HEPACAM2: variants seen among roughly 807,000 people sequenced by gnomAD.
HEPACAM2 encodes the protein HEPACAM family member 2.
A neutral mutation model predicts 49.6 loss-of-function variants in HEPACAM2; 49 were observed. The observed-to-expected ratio is 0.99, with a 90% confidence interval of 0.78 to 1.25. The LOEUF (loss-of-function observed/expected upper bound fraction) is 1.25. Among genes scored for constraint, HEPACAM2 ranks in the 50% most tolerant of loss-of-function variants. The probability of loss-of-function intolerance (pLI) is 0.00; values close to 1 mark genes in which losing one functional copy is unlikely to be tolerated. For missense variants in HEPACAM2, 525 were observed against 557.2 expected, an observed-to-expected ratio of 0.94 and a Z score of 0.58; for synonymous variants, 197 against 202.9, an observed-to-expected ratio of 0.97 and a Z score of 0.25.
intron 8 of HEPACAM2, among the ~76,000 whole-genome samples, chr7:93,193,984 C>G (rs1793620614): frequency 6.6e-6 from 1 of 152,104 alleles, no homozygotes; most frequent in South Asian, 2.1e-4. Flanking sequence ...TTTCTCACTT[C>G]TTCCCCAAAG....
upstream of HEPACAM2, chr7:93,226,587 G>A: frequency 1.6e-6 from 1 of 617,670 alleles, no homozygotes; most frequent in South Asian, 2.0e-5. Context: ...GTATACAAAG[G>A]ACACAGGGAG....
chr7:93,197,500 A>T lies in HEPACAM2; in HGVS notation c.1123T>A (p.Tyr375Asn). 6.3e-7 allele frequency: 1 copy of T among 1,594,788 alleles called. No homozygotes were observed. The highest frequency in any genetic ancestry group is 1.1e-5 in the South Asian group (1 of 89,196). The change falls in exon 5 of 10, where the codon TAT becomes AAT. Residue 375 changes from tyrosine (Y) to asparagine (N), a missense_variant. Coordinates refer to ENST00000394468, the MANE Select transcript of HEPACAM2 (RefSeq NM_001039372.4). ...SMCLLFLWKK[Y>N]QPYKVIKQKL... Reference sequence around the variant, plus strand: ...TTTAACCTACCTTTGTAGGGTTGATATTTTTTCCATAGGAAGAGAAGACAC... The same window carrying T: ...TTTAACCTACCTTTGTAGGGTTGATTTTTTTTCCATAGGAAGAGAAGACAC...
intron 1 of HEPACAM2, among the ~76,000 whole-genome samples, chr7:93,221,343 TTCA>T (rs1794445218): frequency 6.6e-6 from 1 of 152,208 alleles, no homozygotes; most frequent in South Asian, 2.1e-4. Flanking sequence ...TTTTTTTGAT[TTCA>T]TTCTACTAGA....
chr7:93,228,912 G>A (rs1367592360), upstream of HEPACAM2, among the ~76,000 whole-genome samples: 1 of 151,830 alleles, frequency 6.6e-6, no homozygotes, highest in Non-Finnish European at 1.5e-5. Context: ...TTTGTTGGGG[G>A]CAGGGATTTT....
intron 4 of HEPACAM2, 86 bp from the exon 5 acceptor site, chr7:93,197,696 G>A (rs1449316172): frequency 1.9e-5 from 18 of 940,666 alleles, no homozygotes; most frequent in East Asian, 2.6e-5. Context: ...TAAATGAGAC[G>A]CTATTGAAAA....
intron 4 of HEPACAM2, among the ~76,000 whole-genome samples, chr7:93,199,476 T>C (rs1793824145): frequency 1.3e-5 from 2 of 152,124 alleles, no homozygotes; most frequent in African/African-American, 4.8e-5. Flanking sequence ...TCTCAGATAT[T>C]ATTCTCTTGT....
intron 2 of HEPACAM2, among the ~76,000 whole-genome samples, chr7:93,218,006 G>A (rs1341264474): frequency 6.6e-6 from 1 of 151,790 alleles, no homozygotes; most frequent in Non-Finnish European, 1.5e-5. Context: ...GGAAACGAGG[G>A]GAGCATGCTA....
At chr7:93,197,178 T>C in intron 7 of HEPACAM2, 63 bp downstream of exon 7, 1 of 1,132,470 alleles carries the variant, frequency 8.8e-7, no homozygotes, top group Non-Finnish European at 1.2e-6. Flanking sequence ...TATATAATAA[T>C]ATTAACACAA....
intron 1 of HEPACAM2, chr7:93,225,794 G>C (rs1306176916): frequency 3.6e-6 from 2 of 555,120 alleles, no homozygotes; most frequent in Non-Finnish European, 6.0e-6. Flanking sequence ...TGGGCAAAGA[G>C]AAAAGCTAAA....
In HEPACAM2 at chr7:93,208,734, A is replaced by C; in HGVS notation, c.858T>G (p.Thr286=). Residue 286 remains threonine (T), a synonymous_variant, in exon 4 of 10, where the codon ACT becomes ACG. Coordinates refer to ENST00000394468, the MANE Select transcript of HEPACAM2 (RefSeq NM_001039372.4). ...GCTTAATGATATATGTAGTATTGTC[A>C]GTCCTCCTAATCCAGGAGTAGGTGT... ...PPNTYSWIRR[T]DNTTYIIKHG... is the part of the protein sequence containing the mutation. The C allele has an allele frequency of 1.2e-6, 2 of 1,613,254 alleles. No individual in the cohort carries two copies. Among genetic ancestry groups the C allele is most frequent in the South Asian group, 2.2e-5 (2 of 91,062 alleles).
chr7:93,231,460 T>C (rs193178005), upstream of HEPACAM2, among the ~76,000 whole-genome samples: 658 of 152,322 alleles, frequency 4.3e-3, 3 homozygotes, highest in Non-Finnish European at 6.9e-3. Context: ...ATCTTTAAAA[T>C]GGGAACCCAC....
intron 3 of HEPACAM2, among the ~76,000 whole-genome samples, chr7:93,211,826 T>C (rs1042137726): frequency 2.0e-5 from 3 of 151,896 alleles, no homozygotes; most frequent in Non-Finnish European, 4.4e-5. Context: ...TTTCTGAGAG[T>C]AGAGCAAGGC....
Position 93,206,028 on chromosome 7 carries a change from TA to T in HEPACAM2, c.1012+2551del, listed in dbSNP as rs1422585242. 2.0e-5 allele frequency among the ~76,000 whole-genome samples: 3 copies of T among 152,146 alleles called. No individual in the cohort carries two copies. In the East Asian group the frequency reaches 5.8e-4, roughly 29 times the overall value. ...TGTAGCTGTCTTTAGACCTTGGTAA[TA>T]AGATCTTAATCAAATATTGGGGGCT... On this transcript the variant is annotated intron_variant, in intron 4 of 9. Transcript: ENST00000394468.
chr7:93,225,638 A>G (rs1226657068), intron 1 of HEPACAM2, among the ~76,000 whole-genome samples: 2 of 152,162 alleles, frequency 1.3e-5, no homozygotes, highest in Admixed American at 6.5e-5. Context: ...ATAAATAGGA[A>G]GAATGGAAAT....
chr7:93,200,553 CAAGT>C (rs903569198), intron 4 of HEPACAM2, among the ~76,000 whole-genome samples: 4 of 151,968 alleles, frequency 2.6e-5, no homozygotes, highest in African/African-American at 7.2e-5. Flanking sequence ...ATTAATAAAA[CAAGT>C]AAGATCGTTA....
intron 4 of HEPACAM2, among the ~76,000 whole-genome samples, chr7:93,200,827 C>T (rs924937681): frequency 6.6e-6 from 1 of 152,116 alleles, no homozygotes; most frequent in African/African-American, 2.4e-5. Context: ...CATTCTCCAA[C>T]CTGCTTATTC....
At position 93,188,930 on chromosome 7, in the gene HEPACAM2, T is replaced by G. The variant is rs779139717; in HGVS notation, c.*337A>C. 2.4e-6 allele frequency: 1 copy of G among 411,184 alleles called. No individual in the cohort carries two copies. The highest frequency in any genetic ancestry group is 4.3e-6 in the Non-Finnish European group (1 of 233,052). 25.5% of individuals were successfully genotyped at this position (411,184 alleles called of 1,614,324 possible). A position where few individuals can be genotyped will look rare whatever the true frequency, so the allele number is the denominator to read the frequency against. Reference sequence around the variant, plus strand: ...GTCTCAGTGTTGATGATAGTGAAAGTGTAGAGTAGAACTAATTGAGGTTTG... The same window carrying G: ...GTCTCAGTGTTGATGATAGTGAAAGGGTAGAGTAGAACTAATTGAGGTTTG... On this transcript the variant is annotated 3_prime_UTR_variant, in exon 10 of 10. Transcript: ENST00000394468.
chr7:93,190,811 CCAAT>C (rs139547035), intron 9 of HEPACAM2, among the ~76,000 whole-genome samples: 5,056 of 151,590 alleles, frequency 0.033, 104 homozygotes, highest in Non-Finnish European at 0.038. Flanking sequence ...GCAAAACAAC[CCAAT>C]CAGTTTATTT....
At chr7:93,206,839 C>T (rs1337408262) in intron 4 of HEPACAM2, among the ~76,000 whole-genome samples, 3 of 152,034 alleles carry the variant, frequency 2.0e-5, no homozygotes, top group African/African-American at 7.2e-5. Flanking sequence ...GGAGTACCTA[C>T]GAGAAACCCA....
Sources: gnomAD v4.1 joint callset for allele counts (sites outside exome capture counted in the v4.1 genomes callset) on GRCh38, gnomAD v4.1.1 for gene constraint, MANE v1.5 for transcripts, NCBI Gene and HGNC (gene_info 2026-07-23, HGNC 2026-07-21) for gene names.